The following HM13 variants were observed in gnomAD, a reference collection of about 807,000 sequenced individuals.
HM13 encodes histocompatibility minor 13.
In HM13, 18 loss-of-function variants were observed where a neutral mutation model predicts 50.0. The ratio of observed to expected loss-of-function variants is 0.36; its 90% CI spans 0.25 to 0.53. The LOEUF is 0.53. Among genes scored for constraint, HM13 ranks in the 20% least tolerant of loss-of-function variants. The probability of loss-of-function intolerance (pLI) is 0.90; values close to 1 mark genes in which losing one functional copy is unlikely to be tolerated. For synonymous variants in HM13, 197 were observed against 232.6 expected (o/e 0.85, Z 1.39); for missense variants, 393 against 552.4 (o/e 0.71, Z 2.89).
intron 10 of HM13, 55 bp from the exon 11 acceptor site, chr20:31,566,155 G>A: frequency 7.1e-7 from 1 of 1,399,106 alleles, no homozygotes; most frequent in Non-Finnish European, 1.0e-6. Context: ...GCTGGGCACG[G>A]CCCTGAGGCA....
At position 31,530,388 on chromosome 20, in the gene HM13, C is replaced by T. The variant is rs549708452; in HGVS notation, c.282+2806C>T. On this transcript the variant is annotated intron_variant, in intron 2 of 12. Transcript: ENST00000398174. ...CCACGGAGGTATTTTTATATCAACA[C>T]AGTCAAATTACCCCATTCTTTCATT... 1.1e-4 allele frequency among the ~76,000 whole-genome samples: 17 copies of T among 150,138 alleles called. No individual in the cohort carries two copies. The South Asian group carries it at 1.3e-3, about 11-fold the overall frequency.
At chr20:31,536,458 C>G (rs6059846) in intron 2 of HM13, among the ~76,000 whole-genome samples, 3 of 151,928 alleles carry the variant, frequency 2.0e-5, no homozygotes, top group Non-Finnish European at 4.4e-5. Context: ...CACCGTCCCC[C>G]TCTCCTGCTC....
At chr20:31,529,060 G>GT (rs1982659130) in intron 2 of HM13, among the ~76,000 whole-genome samples, 1 of 152,218 alleles carries the variant, frequency 6.6e-6, no homozygotes, top group African/African-American at 2.4e-5. Flanking sequence ...GAGTGCACTG[G>GT]TGCAATCATG....
At chr20:31,561,602 C>T (rs955692044) in intron 9 of HM13, 32 bp from the exon 10 acceptor site, 1 of 1,449,590 alleles carries the variant, frequency 6.9e-7, no homozygotes, top group Non-Finnish European at 9.7e-7. Context: ...TATATCTAAC[C>T]CTCCTCCTCT....
chr20:31,523,703 A>T (rs1982317560), intron 1 of HM13, among the ~76,000 whole-genome samples: 1 of 152,202 alleles, frequency 6.6e-6, no homozygotes, highest in Non-Finnish European at 1.5e-5. Context: ...CAGGAAATGT[A>T]TTGAATGTGT....
intron 2 of HM13, among the ~76,000 whole-genome samples, chr20:31,537,733 ATGTCT>A (rs1983194866): frequency 6.6e-6 from 1 of 152,170 alleles, no homozygotes; most frequent in Non-Finnish European, 1.5e-5. Context: ...AGTGGGACAG[ATGTCT>A]TGTAACTAGC....
intron 9 of HM13, 83 bp from the exon 10 acceptor site, chr20:31,561,551 T>C (rs1600668253): frequency 1.0e-6 from 1 of 970,642 alleles, no homozygotes; most frequent in South Asian, 1.3e-5. Flanking sequence ...CTCTAGGGTC[T>C]TCCCCAGCTC....
At chr20:31,539,588 G>T in intron 3 of HM13, 1 of 756,748 alleles carries the variant, frequency 1.3e-6, no homozygotes, top group Non-Finnish European at 1.6e-6. Context: ...AAGGTCAGGA[G>T]ATTGAGACCA....
chr20:31,548,308 C>G (rs1271734368), intron 4 of HM13: 1 of 393,004 alleles, frequency 2.5e-6, no homozygotes, highest in East Asian at 4.8e-5. Context: ...GCAAACTCCA[C>G]AGCCTCTAGT....
At chr20:31,546,491 C>T (rs112793497) in intron 4 of HM13, among the ~76,000 whole-genome samples, 2 of 151,794 alleles carry the variant, frequency 1.3e-5, no homozygotes, top group Middle Eastern at 3.4e-3. Flanking sequence ...TGAGATGGCT[C>T]ACGCCTCCCA....
At chr20:31,543,305 A>T (rs1181098492) in intron 3 of HM13, among the ~76,000 whole-genome samples, 1 of 152,116 alleles carries the variant, frequency 6.6e-6, no homozygotes, top group East Asian at 1.9e-4. Flanking sequence ...TTGTTTTTAG[A>T]GACGGAGTCT....
intron 2 of HM13, 108 bp downstream of exon 2, chr20:31,527,690 G>A: frequency 1.2e-6 from 1 of 806,692 alleles, no homozygotes; most frequent in Non-Finnish European, 2.0e-6. Context: ...AGAAAATAAA[G>A]AAGAAAGAAA....
chr20:31,557,928 G>A (rs117729548), intron 8 of HM13, among the ~76,000 whole-genome samples: 2,954 of 152,106 alleles, frequency 0.019, 39 homozygotes, highest in Non-Finnish European at 0.029. Context: ...GCTGGTCTTG[G>A]AACTCCTGAC....
chr20:31,518,446 G>A (rs1368217124), intron 1 of HM13, among the ~76,000 whole-genome samples: 1 of 150,380 alleles, frequency 6.6e-6, no homozygotes, highest in Non-Finnish European at 1.5e-5. Context: ...AGGAGTTCAA[G>A]ACCAGCCTGG....
intron 2 of HM13, among the ~76,000 whole-genome samples, chr20:31,533,513 C>A (rs545410543): frequency 1.3e-5 from 2 of 152,220 alleles, no homozygotes; most frequent in African/African-American, 4.8e-5. Flanking sequence ...TCAAAAAAAA[C>A]AACAACAAAA....
chr20:31,554,703 CTG>C (rs754418875), intron 7 of HM13, 41 bp from the exon 8 acceptor site: 1 of 1,465,768 alleles, frequency 6.8e-7, no homozygotes, highest in Non-Finnish European at 9.5e-7. Context: ...AAAATGTAAA[CTG>C]GGCTCCAGCT....
intron 10 of HM13, among the ~76,000 whole-genome samples, chr20:31,565,010 A>G (rs1311949789): frequency 6.7e-6 from 1 of 150,332 alleles, no homozygotes; most frequent in Admixed American, 6.6e-5. Flanking sequence ...CTAAAAATAC[A>G]AAAAAATTAG....
intron 2 of HM13, among the ~76,000 whole-genome samples, chr20:31,528,446 A>C (rs1305456190): frequency 6.6e-6 from 1 of 151,956 alleles, no homozygotes. Context: ...CCTCCCAAGT[A>C]GCTGGGATTA....
intron 9 of HM13, among the ~76,000 whole-genome samples, 153 bp downstream of exon 9, chr20:31,559,800 T>C (rs978104017): frequency 1.3e-5 from 2 of 152,186 alleles, no homozygotes; most frequent in African/African-American, 4.8e-5. Context: ...CATCTTGAAG[T>C]TCTAAGTATT....
Sources: gnomAD v4.1 joint callset for allele counts (sites outside exome capture counted in the v4.1 genomes callset) on GRCh38, gnomAD v4.1.1 for gene constraint, MANE v1.5 for transcripts, NCBI Gene and HGNC (gene_info 2026-07-23, HGNC 2026-07-21) for gene names.